Variants in SMARCC1 observed in about 807,000 individuals in gnomAD.
The protein encoded by SMARCC1 is SWI/SNF related BAF chromatin remodeling complex subunit C1.
Under a neutral mutation model 147.4 loss-of-function variants are expected in SMARCC1, and 43 were observed. The ratio of observed to expected loss-of-function variants is 0.29; its 90% CI spans 0.23 to 0.38. The LOEUF is 0.38. Ranked by LOEUF, SMARCC1 falls within the 10% of genes least tolerant of loss-of-function variation. The pLI, the probability that SMARCC1 is intolerant of heterozygous loss-of-function variation, is 1.00. For synonymous variants in SMARCC1, 495 were observed against 484.4 expected (o/e 1.02, Z -0.29); for missense variants, 1,119 against 1,381.1 (o/e 0.81, Z 3.01).
intron 2 of SMARCC1, among the ~76,000 whole-genome samples, chr3:47,760,407 A>C (rs955655852): frequency 6.6e-6 from 1 of 152,218 alleles, no homozygotes; most frequent in Non-Finnish European, 1.5e-5. Context: ...TCATGCCAGT[A>C]ATCTCAGCAC....
intron 26 of SMARCC1, among the ~76,000 whole-genome samples, chr3:47,599,796 A>G (rs972845009): frequency 2.6e-5 from 4 of 152,240 alleles, no homozygotes; most frequent in Non-Finnish European, 4.4e-5. Context: ...AATTCAGAAT[A>G]TATGTTCCAG....
At chr3:47,597,890 C>T (rs948637416) in intron 26 of SMARCC1, among the ~76,000 whole-genome samples, 29 of 152,232 alleles carry the variant, frequency 1.9e-4, no homozygotes, top group Admixed American at 6.5e-4. Flanking sequence ...GATGGGATGA[C>T]GTGAAGAGGA....
chr3:47,680,551 T>C, intron 14 of SMARCC1, 43 bp from the exon 15 acceptor site: 1 of 1,264,716 alleles, frequency 7.9e-7, no homozygotes, highest in South Asian at 1.3e-5. Flanking sequence ...GTTCTTTTTT[T>C]TTTTTTTTTT....
At chr3:47,606,769 C>T (rs766238845) in intron 26 of SMARCC1, among the ~76,000 whole-genome samples, 2 of 151,962 alleles carry the variant, frequency 1.3e-5, no homozygotes, top group Non-Finnish European at 2.9e-5. Flanking sequence ...TGCAGTGTCA[C>T]AATCACAGCT....
intron 10 of SMARCC1, 152 bp from the exon 11 acceptor site, chr3:47,701,554 C>T: frequency 1.4e-6 from 1 of 700,006 alleles, no homozygotes; most frequent in East Asian, 2.9e-5. Context: ...GTGGTTCATG[C>T]CTGTAATCAG....
chr3:47,764,678 T>C (rs2034815435), intron 2 of SMARCC1, among the ~76,000 whole-genome samples: 2 of 152,312 alleles, frequency 1.3e-5, no homozygotes, highest in South Asian at 4.1e-4. Flanking sequence ...TGCTACATCA[T>C]GTAGGCTCAC....
chr3:47,743,779 C>G (rs1553689472), intron 3 of SMARCC1, among the ~76,000 whole-genome samples: 1 of 150,560 alleles, frequency 6.6e-6, no homozygotes, highest in Non-Finnish European at 1.5e-5. Flanking sequence ...CACCACTGCA[C>G]TCCGGCCTGG....
chr3:47,622,187 A>G lies in SMARCC1; in HGVS notation c.2781+20T>C. 1 of 1,592,156 alleles carries G rather than the reference A, an allele frequency of 6.3e-7. No homozygotes were observed. On this transcript the variant is annotated intron_variant, in intron 25 of 27. Coordinates refer to ENST00000254480, the MANE Select transcript of SMARCC1 (RefSeq NM_003074.4). ...AAGGTTTAATTGTGAAAAAGCCACT[A>G]AAAAATTCCAAATACTTACAGCTTC...
intron 25 of SMARCC1, among the ~76,000 whole-genome samples, chr3:47,616,005 T>C (rs1327794992): frequency 6.6e-6 from 1 of 152,174 alleles, no homozygotes; most frequent in African/African-American, 2.4e-5. Flanking sequence ...AAAATTTCTA[T>C]ACCTAGCCAA....
intron 7 of SMARCC1, among the ~76,000 whole-genome samples, chr3:47,720,146 C>T (rs1036290750): frequency 1.3e-5 from 2 of 152,038 alleles, no homozygotes; most frequent in African/African-American, 4.8e-5. Flanking sequence ...TTTTTTGAGA[C>T]GGAGTCTCAC....
intron 3 of SMARCC1, among the ~76,000 whole-genome samples, chr3:47,741,616 C>T (rs1056602865): frequency 3.3e-5 from 5 of 151,736 alleles, no homozygotes; most frequent in Admixed American, 6.6e-5. Flanking sequence ...AGTATCTTTA[C>T]GATACACTTC....
intron 2 of SMARCC1, among the ~76,000 whole-genome samples, chr3:47,764,793 G>A (rs186612551): frequency 6.6e-6 from 1 of 152,330 alleles, no homozygotes; most frequent in Admixed American, 6.5e-5. Flanking sequence ...ATGTGGCTGA[G>A]CAGTTCAGTT....
chr3:47,657,643 C>A (rs1357710256), intron 21 of SMARCC1, among the ~76,000 whole-genome samples: 7 of 151,784 alleles, frequency 4.6e-5, no homozygotes, highest in Admixed American at 1.3e-4. Context: ...TACTTAAAAA[C>A]ACACACACAC....
chr3:47,679,017 C>CAAA (rs945583712), intron 15 of SMARCC1, among the ~76,000 whole-genome samples: 1 of 151,856 alleles, frequency 6.6e-6, no homozygotes, highest in Non-Finnish European at 1.5e-5. Context: ...AAAGAACATA[C>CAAA]AAAAATGGAG....
chr3:47,725,605 C>G lies in SMARCC1; in HGVS notation c.646+3420G>C, dbSNP rs1192855360. On this transcript the variant is annotated intron_variant, in intron 6 of 27. Transcript: ENST00000254480. Reference sequence around the variant, plus strand: ...AGCTGGAATGACAGGGGCCCGCCACCATGCCCAGCTATTTTTTTGTGTTTT... The same window carrying G: ...AGCTGGAATGACAGGGGCCCGCCACGATGCCCAGCTATTTTTTTGTGTTTT... 2.0e-5 allele frequency among the ~76,000 whole-genome samples: 3 copies of G among 152,174 alleles called. No homozygotes were observed. In the East Asian group the frequency reaches 5.8e-4, roughly 30 times the overall value.
intron 10 of SMARCC1, among the ~76,000 whole-genome samples, 183 bp downstream of exon 10, chr3:47,706,226 C>T (rs765393552): frequency 1.3e-5 from 2 of 152,106 alleles, no homozygotes; most frequent in South Asian, 2.1e-4. Flanking sequence ...CGTGCACCAC[C>T]GTGCCCAGCT....
chr3:47,623,693 A>T (rs1004585532), intron 24 of SMARCC1, among the ~76,000 whole-genome samples: 3 of 152,188 alleles, frequency 2.0e-5, no homozygotes, highest in Admixed American at 2.0e-4. Flanking sequence ...TGAACAAAAA[A>T]ATTTATGCGC....
intron 21 of SMARCC1, among the ~76,000 whole-genome samples, chr3:47,648,836 A>G (rs538731959): frequency 2.0e-5 from 3 of 152,222 alleles, no homozygotes; most frequent in Non-Finnish European, 2.9e-5. Context: ...TTCAATTAGT[A>G]GAGTATTAAC....
chr3:47,704,923 A>C (rs951411321), intron 10 of SMARCC1, among the ~76,000 whole-genome samples: 2 of 151,854 alleles, frequency 1.3e-5, no homozygotes, highest in African/African-American at 2.4e-5. Context: ...TCTCAAAAAA[A>C]AAGATGAAAT....
Sources: allele counts gnomAD v4.1 joint callset (sites outside exome capture counted in the v4.1 genomes callset), GRCh38; gene constraint gnomAD v4.1.1; transcripts MANE v1.5; gene names NCBI Gene and HGNC (gene_info 2026-07-23, HGNC 2026-07-21).